Variants in ZMIZ1 observed in about 807,000 individuals in gnomAD.
ZMIZ1 encodes the protein zinc finger MIZ-type containing 1, also known as zinc finger MIZ domain-containing protein 1.
ZMIZ1 carries 17 observed loss-of-function variants against 113.9 expected under a neutral mutation model. The observed-to-expected ratio is 0.15, with a 90% CI of 0.10 to 0.22. The LOEUF is 0.22. Ranked by LOEUF, ZMIZ1 falls within the 10% of genes least tolerant of loss-of-function variation. The pLI, the probability that ZMIZ1 is intolerant of heterozygous loss-of-function variation, is 1.00. For synonymous variants in ZMIZ1, 607 were observed against 603.1 expected, an observed-to-expected ratio of 1.01 and a Z score of -0.09; for missense variants, 1,059 against 1,477.8, an observed-to-expected ratio of 0.72 and a Z score of 4.65.
intron 2 of ZMIZ1, among the ~76,000 whole-genome samples, chr10:79,128,777 A>G (rs754707558): frequency 6.6e-6 from 1 of 152,202 alleles, no homozygotes; most frequent in African/African-American, 2.4e-5. Flanking sequence ...CAGTGTGACC[A>G]TAATCATTTT....
chr10:79,126,950 GCCAGGCTGGACCAA>G (rs1450605504), intron 2 of ZMIZ1, among the ~76,000 whole-genome samples: 3 of 152,170 alleles, frequency 2.0e-5, no homozygotes, highest in Admixed American at 1.3e-4. Context: ...TCTGGGGTTT[GCCAGGCTGGACCAA>G]CCTGAGAGGA....
intron 1 of ZMIZ1, among the ~76,000 whole-genome samples, chr10:79,105,097 T>G (rs989557288): frequency 2.0e-4 from 31 of 152,284 alleles, no homozygotes; most frequent in Admixed American, 1.8e-3. Flanking sequence ...AAATATTTTC[T>G]AAAAAGACTA....
intron 4 of ZMIZ1, among the ~76,000 whole-genome samples, chr10:79,174,355 A>G (rs1277519270): frequency 6.6e-6 from 1 of 152,140 alleles, no homozygotes; most frequent in Non-Finnish European, 1.5e-5. Flanking sequence ...AGGCACGCCA[A>G]TCCCTGGACT....
At position 79,141,958 on chromosome 10, in the gene ZMIZ1, T is replaced by C. The variant is rs1399656621; in HGVS notation, c.-131+2181T>C. The stretch of plus-strand genomic sequence containing the variant: ...GGTGATGGGAACAGGGACGAAGGGG[T>C]AGTGGAGGAAGAGGTGGGAAGCCAT... On this transcript the variant is annotated intron_variant, in intron 3 of 24. Coordinates refer to ENST00000334512, the MANE Select transcript of ZMIZ1 (RefSeq NM_020338.4). 5.3e-5 allele frequency among the ~76,000 whole-genome samples: 8 copies of C among 151,314 alleles called. No homozygotes were observed. The East Asian group carries it at 1.6e-3, about 29-fold the overall frequency.
chr10:79,216,389 G>A, intron 7 of ZMIZ1, 115 bp downstream of exon 7: 2 of 874,728 alleles, frequency 2.3e-6, no homozygotes, highest in Non-Finnish European at 3.4e-6. Context: ...TCTAGGTGTA[G>A]TGCGAACCCC....
chr10:79,302,001 G>T (rs1411886298), intron 17 of ZMIZ1, 106 bp from the exon 18 acceptor site: 2 of 1,139,756 alleles, frequency 1.8e-6, no homozygotes, highest in Admixed American at 1.8e-5. Context: ...GGAGCCTCCT[G>T]GGCCGGCTGT....
intron 4 of ZMIZ1, among the ~76,000 whole-genome samples, chr10:79,176,394 G>A (rs1042730831): frequency 6.6e-6 from 1 of 152,044 alleles, no homozygotes; most frequent in Non-Finnish European, 1.5e-5. Flanking sequence ...CTGACAGTCT[G>A]GCAGGGGAGG....
At position 79,159,997 on chromosome 10, in the gene ZMIZ1, C is replaced by T. The variant is rs540915321; in HGVS notation, c.-130-2056C>T. Among the ~76,000 whole-genome samples the T allele has an allele frequency of 2.2e-4, 33 of 152,350 alleles. 1 individual carries two copies. The South Asian group carries it at 6.8e-3, about 32-fold the overall frequency. On this transcript the variant is annotated intron_variant, in intron 3 of 24. Transcript: ENST00000334512. ...TGCTCACTGGGGAGCGAGGGCTTTT[C>T]GGCTCTGGCTTCCGTCTCAGCTGCC... is the stretch of plus-strand genomic sequence containing the variant.
chr10:79,076,251 C>A (rs1202583825), intron 1 of ZMIZ1, among the ~76,000 whole-genome samples: 2 of 152,216 alleles, frequency 1.3e-5, no homozygotes, highest in Non-Finnish European at 2.9e-5. Context: ...TCCATTAGCT[C>A]ATGAAACATG....
At chr10:79,305,128 TC>T in intron 19 of ZMIZ1, 35 bp from the exon 20 acceptor site, 2 of 1,612,536 alleles carry the variant, frequency 1.2e-6, no homozygotes, top group African/African-American at 1.3e-5. Context: ...TTTCTGACAG[TC>T]CTGGTCTCAC....
chr10:79,311,305 A>AC, intron 24 of ZMIZ1, 121 bp downstream of exon 24: 1 of 289,478 alleles, frequency 3.5e-6, no homozygotes, highest in Non-Finnish European at 6.6e-6. Flanking sequence ...GGGCGGTGGG[A>AC]GGGCTTCACC....
chr10:79,297,583 C>T (rs377455320), intron 13 of ZMIZ1, 30 bp from the exon 14 acceptor site: 3 of 1,599,574 alleles, frequency 1.9e-6, no homozygotes, highest in East Asian at 4.5e-5. Flanking sequence ...TTCTGCCCCC[C>T]ACTCAGTGTT....
At position 79,208,392 on chromosome 10, in the gene ZMIZ1, C is replaced by T. The variant is rs756703325; in HGVS notation, c.117C>T (p.Cys39=). Residue 39 remains cysteine (C), a synonymous_variant, in exon 6 of 25, where the codon TGC becomes TGT. Coordinates refer to ENST00000334512, the MANE Select transcript of ZMIZ1 (RefSeq NM_020338.4). The part of the protein sequence containing the change: ...HNAATELLDW[C]GDPRAFQRPF... ...CCGCCACGGAGCTGCTGGACTGGTG[C>T]GGAGACCCACGGGCCTTCCAGCGGC... is the stretch of plus-strand genomic sequence containing the variant. The T allele has an allele frequency of 1.5e-5, 25 of 1,613,976 alleles. No individual in the cohort carries two copies. The highest frequency in any genetic ancestry group is 3.3e-5 in the South Asian group (3 of 91,090).
At chr10:79,280,242 G>A (rs545548736) in intron 8 of ZMIZ1, among the ~76,000 whole-genome samples, 1 of 152,108 alleles carries the variant, frequency 6.6e-6, no homozygotes, top group Non-Finnish European at 1.5e-5. Context: ...GCCTCCCAAA[G>A]TACTGGGATT....
chr10:79,130,942 C>T (rs145971240), intron 2 of ZMIZ1, among the ~76,000 whole-genome samples: 3 of 152,202 alleles, frequency 2.0e-5, no homozygotes, highest in African/African-American at 4.8e-5. Flanking sequence ...CATTTTTGCC[C>T]GGATTGTTCC....
At chr10:79,167,618 C>A (rs1346595204) in intron 4 of ZMIZ1, among the ~76,000 whole-genome samples, 1 of 152,132 alleles carries the variant, frequency 6.6e-6, no homozygotes, top group Non-Finnish European at 1.5e-5. Context: ...CAATTTCATT[C>A]CCCCCACACC....
chr10:79,259,067 T>C (rs1851095904), intron 7 of ZMIZ1, among the ~76,000 whole-genome samples: 1 of 152,148 alleles, frequency 6.6e-6, no homozygotes, highest in Admixed American at 6.5e-5. Flanking sequence ...CAGCCGCCCG[T>C]ATTAGTTTAA....
intron 4 of ZMIZ1, among the ~76,000 whole-genome samples, chr10:79,164,866 C>T (rs1261648505): frequency 1.1e-4 from 16 of 152,086 alleles, no homozygotes; most frequent in Admixed American, 9.8e-4. Context: ...ACTGGGGAGG[C>T]TGCACTGATC....
At chr10:79,212,896 C>A (rs2764817) in intron 6 of ZMIZ1, among the ~76,000 whole-genome samples, 3 of 152,202 alleles carry the variant, frequency 2.0e-5, no homozygotes, top group East Asian at 3.9e-4. Flanking sequence ...GCCACCATAC[C>A]CAGTCAAGTT....
Sources: allele counts gnomAD v4.1 joint callset (sites outside exome capture counted in the v4.1 genomes callset), GRCh38; gene constraint gnomAD v4.1.1; transcripts MANE v1.5; gene names NCBI Gene and HGNC (gene_info 2026-07-23, HGNC 2026-07-21).